The following ABLIM1 variants were observed in gnomAD, a reference collection of about 807,000 sequenced individuals.
ABLIM1 encodes the protein actin-binding LIM protein 1.
In ABLIM1, 40 loss-of-function variants were observed where a neutral mutation model predicts 107.0. That is an observed-to-expected ratio of 0.37 (90% CI 0.29 to 0.49). ABLIM1 has a LOEUF of 0.49. Ranked by LOEUF, ABLIM1 falls within the 20% of genes least tolerant of loss-of-function variation. The pLI is 0.97. For synonymous variants in ABLIM1, 357 were observed against 357.3 expected (o/e 1.00, Z 0.01); for missense variants, 857 against 1,008.5 (o/e 0.85, Z 2.04).
chr10:114,532,446 G>A (rs964889976), intron 6 of ABLIM1, among the ~76,000 whole-genome samples: 2 of 152,190 alleles, frequency 1.3e-5, no homozygotes, highest in African/African-American at 2.4e-5. Flanking sequence ...GGGAAGCCAC[G>A]AGGTCCAGGA....
intron 2 of ABLIM1, chr10:114,601,560 T>A (rs1022911951): frequency 3.1e-5 from 16 of 520,756 alleles, no homozygotes; most frequent in African/African-American, 5.7e-5. Context: ...GCCGGCCTTT[T>A]TACTGCTCGT....
chr10:114,636,000 G>A (rs2078461085), intron 1 of ABLIM1, among the ~76,000 whole-genome samples: 1 of 152,224 alleles, frequency 6.6e-6, no homozygotes, highest in South Asian at 2.1e-4. Context: ...GTATACAAAA[G>A]CAAGAAGAGA....
rs551354559 is a variant in ABLIM1, at chr10:114,459,751, G to A, written c.1441+5947C>T. ...TCATATGAACAAACTATAGGCACACGTCTAGTAAAAAGAAAAAGGGAGAGA... is the reference window on the plus strand; with the variant it reads ...TCATATGAACAAACTATAGGCACACATCTAGTAAAAAGAAAAAGGGAGAGA... On this transcript the variant is annotated intron_variant, in intron 12 of 22. Transcript: ENST00000533213. Among the ~76,000 whole-genome samples the A allele has an allele frequency of 3.9e-5, 6 of 152,266 alleles. No individual in the cohort carries two copies. In the South Asian group the frequency reaches 6.2e-4, roughly 16 times the overall value.
chr10:114,559,438 CAAAAA>C (rs72456292), intron 4 of ABLIM1, among the ~76,000 whole-genome samples: 2 of 49,356 alleles, frequency 4.1e-5, no homozygotes, highest in South Asian at 1.1e-3. Flanking sequence ...ACTCGTCTCT[CAAAAA>C]AAAAAAAAAA....
At chr10:114,507,603 G>A (rs1347816371) in intron 6 of ABLIM1, among the ~76,000 whole-genome samples, 1 of 152,202 alleles carries the variant, frequency 6.6e-6, no homozygotes, top group Admixed American at 6.5e-5. Context: ...TAAGCAGGGA[G>A]TGCTGTGCAA....
intron 6 of ABLIM1, among the ~76,000 whole-genome samples, chr10:114,539,092 T>C (rs1023741099): frequency 1.3e-5 from 2 of 152,252 alleles, no homozygotes; most frequent in African/African-American, 4.8e-5. Context: ...GCGCAGTGGC[T>C]CACGCCTATA....
the ABLIM1 span, among the ~76,000 whole-genome samples, chr10:114,781,528 A>ATG: frequency 3.7e-5 from 5 of 135,146 alleles, no homozygotes; most frequent in Middle Eastern, 3.6e-3. Flanking sequence ...AAAGAAAAAT[A>ATG]TGTGTGTGTA....
chr10:114,698,184 T>G (rs1337228439), intron 1 of ABLIM1, among the ~76,000 whole-genome samples: 1 of 151,776 alleles, frequency 6.6e-6, no homozygotes, highest in Non-Finnish European at 1.5e-5. Flanking sequence ...AGAAAAGAAC[T>G]AAATAAAAAT....
chr10:114,658,829 G>A (rs370427578), upstream of ABLIM1, among the ~76,000 whole-genome samples: 426 of 152,266 alleles, frequency 2.8e-3, no homozygotes, highest in African/African-American at 9.8e-3. Flanking sequence ...TTAAGCCAAT[G>A]TTTACTGTCG....
intron 1 of ABLIM1, among the ~76,000 whole-genome samples, chr10:114,706,913 C>T (rs914138849): frequency 1.7e-4 from 26 of 151,918 alleles, no homozygotes; most frequent in African/African-American, 5.3e-4. Context: ...CAACCTCTCC[C>T]GAAACTTACA....
chr10:114,718,095 A>AAGG (rs1491304041), intron 1 of ABLIM1, among the ~76,000 whole-genome samples: 1 of 91,198 alleles, frequency 1.1e-5, no homozygotes, highest in South Asian at 4.3e-4. Flanking sequence ...GGAAGGAAGG[A>AAGG]AAAGAAAAAG....
chr10:114,439,811 A>T, intron 20 of ABLIM1: 1 of 528,448 alleles, frequency 1.9e-6, no homozygotes, highest in Non-Finnish European at 3.4e-6. Context: ...ATGCTGGTCC[A>T]CTTCCACCCC....
At position 114,531,102 on chromosome 10, in the gene ABLIM1, C is replaced by T. The variant is rs920441336; in HGVS notation, c.894+13903G>A. Among the ~76,000 whole-genome samples the T allele has an allele frequency of 1.9e-4, 29 of 152,174 alleles. 1 individual carries two copies. The highest frequency in any genetic ancestry group is 7.0e-4 in the African/African-American group (29 of 41,448). ...AGAAATTTTCAAACCCAAGCATCAACATGACTGTTAACTTGTGTATCTGAA... is the reference window on the plus strand; with the variant it reads ...AGAAATTTTCAAACCCAAGCATCAATATGACTGTTAACTTGTGTATCTGAA... On this transcript the variant is annotated intron_variant, in intron 6 of 22. Coordinates refer to ENST00000533213, the MANE Select transcript of ABLIM1 (RefSeq NM_002313.7).
chr10:114,654,871 C>A lies in ABLIM1; in HGVS notation c.244+3086G>T, dbSNP rs1591749578. Among the ~76,000 whole-genome samples the A allele has an allele frequency of 7.9e-5, 12 of 152,334 alleles. No individual in the cohort carries two copies. In the South Asian group the frequency reaches 2.5e-3, roughly 32 times the overall value. On this transcript the variant is annotated intron_variant, in intron 1 of 22. Coordinates refer to ENST00000533213, the MANE Select transcript of ABLIM1 (RefSeq NM_002313.7). ...CCCCAGGAGTCATGCCAATGGGTTT[C>A]TTGGGGCCCTGGAGCTGGCTCCATT...
chr10:114,615,324 T>A (rs2077063285), intron 1 of ABLIM1, among the ~76,000 whole-genome samples: 1 of 152,092 alleles, frequency 6.6e-6, no homozygotes, highest in Admixed American at 6.5e-5. Flanking sequence ...CCAGGCATGC[T>A]TTTCCCTGCC....
At chr10:114,500,711 GGGAAGGGAAA>G (rs1565642844) in intron 6 of ABLIM1, among the ~76,000 whole-genome samples, 3 of 114,358 alleles carry the variant, frequency 2.6e-5, no homozygotes, top group African/African-American at 1.0e-4. Flanking sequence ...AGAAAGAGAA[GGGAAGGGAAA>G]GGAAGGGAAA....
At chr10:114,453,317 G>A in intron 13 of ABLIM1, 62 bp downstream of exon 13, 1 of 1,537,076 alleles carries the variant, frequency 6.5e-7, no homozygotes, top group South Asian at 1.1e-5. Context: ...ACAAGACGAG[G>A]TTACAAGGCT....
intron 2 of ABLIM1, among the ~76,000 whole-genome samples, chr10:114,597,680 C>T (rs1323154078): frequency 6.6e-6 from 1 of 152,128 alleles, no homozygotes. Context: ...CCTGAGAATA[C>T]GAGGGCAGTT....
intron 20 of ABLIM1, 111 bp downstream of exon 20, chr10:114,439,971 C>T (rs898746952): frequency 3.8e-6 from 6 of 1,561,914 alleles, no homozygotes; most frequent in Non-Finnish European, 4.4e-6. Context: ...AGAGATCAAC[C>T]ACAACAAGCA....
Sources: gnomAD v4.1 joint callset for allele counts (sites outside exome capture counted in the v4.1 genomes callset) on GRCh38, gnomAD v4.1.1 for gene constraint, MANE v1.5 for transcripts, NCBI Gene and HGNC (gene_info 2026-07-23, HGNC 2026-07-21) for gene names.